Variants in HMGN5 observed in about 807,000 individuals in gnomAD.
HMGN5 encodes the protein high mobility group nucleosome binding domain 5, also known as high mobility group nucleosome-binding domain-containing protein 5.
HMGN5 carries 4 observed loss-of-function variants against 9.5 expected under a neutral mutation model. That is an observed-to-expected ratio of 0.42 (90% CI 0.21 to 0.96). HMGN5 has a LOEUF of 0.96. Among genes scored for constraint, HMGN5 ranks in the 40% least tolerant of loss-of-function variants. The pLI is 0.30. For synonymous variants in HMGN5, 55 were observed against 57.1 expected (o/e 0.96, Z 0.16); for missense variants, 192 against 187.5 (o/e 1.02, Z -0.14).
chrX:81,184,218 T>C (rs2075470879), intron 1 of HMGN5, among the ~76,000 whole-genome samples: 1 of 111,852 alleles, frequency 8.9e-6, no homozygotes, highest in Admixed American at 9.5e-5. Flanking sequence ...CCATCCCTCC[T>C]GGAGCTGTCA....
chrX:81,184,122 T>G (rs1263461197), intron 1 of HMGN5, among the ~76,000 whole-genome samples: 1 of 111,403 alleles, frequency 9.0e-6, no homozygotes, highest in Non-Finnish European at 1.9e-5. Flanking sequence ...CACCCAAGTT[T>G]CATATTCAAT....
At chrX:81,115,681 A>G (rs2075251312) in intron 6 of HMGN5, among the ~76,000 whole-genome samples, 1 of 112,344 alleles carries the variant, frequency 8.9e-6, no homozygotes, top group African/African-American at 3.2e-5. Flanking sequence ...ACCAGATATT[A>G]TAAGATAACT....
chrX:81,161,262 A>C (rs1490646161), intron 1 of HMGN5, among the ~76,000 whole-genome samples: 1 of 111,125 alleles, frequency 9.0e-6, no homozygotes, highest in Non-Finnish European at 1.9e-5. Flanking sequence ...GTCTTCAATC[A>C]GTGATATGGA....
At chrX:81,149,143 A>G in intron 1 of HMGN5, among the ~76,000 whole-genome samples, 1 of 111,776 alleles carries the variant, frequency 8.9e-6, no homozygotes, top group South Asian at 3.8e-4. Context: ...TACCCAAAGG[A>G]TTATAAATCA....
intron 1 of HMGN5, among the ~76,000 whole-genome samples, chrX:81,163,425 A>G (rs1468307883): frequency 8.9e-6 from 1 of 112,123 alleles, no homozygotes; most frequent in Non-Finnish European, 1.9e-5. Flanking sequence ...CTGGAACAAT[A>G]CCTGATAGCC....
intron 1 of HMGN5, among the ~76,000 whole-genome samples, chrX:81,190,427 G>A (rs2070164270): frequency 9.1e-6 from 1 of 110,314 alleles, no homozygotes; most frequent in Admixed American, 9.7e-5. Flanking sequence ...ACATTCTCAC[G>A]ACCCCATAAA....
chrX:81,196,139 A>G (rs1227781336), intron 1 of HMGN5, among the ~76,000 whole-genome samples: 1 of 111,444 alleles, frequency 9.0e-6, no homozygotes, highest in South Asian at 3.8e-4. Flanking sequence ...GAACAACAGT[A>G]TATCCTCCAA....
chrX:81,157,752 TA>T (rs2075386938), intron 1 of HMGN5, among the ~76,000 whole-genome samples: 1 of 111,381 alleles, frequency 9.0e-6, no homozygotes, highest in South Asian at 3.8e-4. Context: ...TGGAGTTATA[TA>T]AAAAATTTTA....
chrX:81,186,195 C>G (rs2075476969), intron 1 of HMGN5, among the ~76,000 whole-genome samples: 1 of 111,450 alleles, frequency 9.0e-6, no homozygotes, highest in Admixed American at 9.5e-5. Context: ...GGTATTAATT[C>G]TTCTTTATAT....
intron 1 of HMGN5, among the ~76,000 whole-genome samples, chrX:81,189,737 G>GAAAC (rs971917643): frequency 7.1e-5 from 8 of 112,036 alleles, no homozygotes; most frequent in African/African-American, 1.9e-4. Flanking sequence ...CTCCTTTGGA[G>GAAAC]AAACACCAAG....
At chrX:81,147,660 G>T (rs745910595) in intron 1 of HMGN5, among the ~76,000 whole-genome samples, 3 of 111,470 alleles carry the variant, frequency 2.7e-5, no homozygotes, top group South Asian at 7.5e-4. Flanking sequence ...AGAAATAAAA[G>T]ATATTCAATT....
chrX:81,188,501 A>T (rs1399460183), intron 1 of HMGN5, among the ~76,000 whole-genome samples: 2 of 108,987 alleles, frequency 1.8e-5, no homozygotes, highest in Admixed American at 2.0e-4. Flanking sequence ...ATATACTTTA[A>T]GTTTTAGGGT....
At chrX:81,200,024 T>G (rs773055309) in intron 1 of HMGN5, among the ~76,000 whole-genome samples, 1 of 111,670 alleles carries the variant, frequency 9.0e-6, no homozygotes, top group East Asian at 2.8e-4. Context: ...CTTAAACAAA[T>G]TTACAAGAAA....
Position 81,116,273 on chromosome X carries a change from G to A in HMGN5, c.198C>T (p.Thr66=). The part of the protein sequence containing the change: ...IDTSAQAVAE[T]KQEAVVEEDY... ...CTTCTTCAACAACTGCTTCTTGCTT[G>A]GTTTCAGCAACTGCTTGGGCACTTG... Residue 66 remains threonine, a synonymous_variant, in exon 6 of 7, where the codon ACC becomes ACT. Coordinates refer to ENST00000358130, the MANE Select transcript of HMGN5 (RefSeq NM_030763.3). 3.4e-6 allele frequency: 4 copies of A among 1,191,504 alleles called. No individual in the cohort carries two copies. The highest frequency in any genetic ancestry group is 4.6e-6 in the Non-Finnish European group (4 of 878,405).
chrX:81,117,213 A>G (rs1317270650), intron 5 of HMGN5, among the ~76,000 whole-genome samples: 1 of 105,849 alleles, frequency 9.4e-6, no homozygotes, highest in Non-Finnish European at 1.9e-5. Flanking sequence ...GTTATATAGT[A>G]TATGTTTTAG....
intron 1 of HMGN5, among the ~76,000 whole-genome samples, chrX:81,159,240 G>C (rs922396590): frequency 1.4e-4 from 15 of 110,617 alleles, no homozygotes; most frequent in African/African-American, 4.9e-4. Context: ...TTGGGGGATA[G>C]AGTGTGGGGA....
chrX:81,125,492 C>T (rs1431854829), intron 1 of HMGN5, among the ~76,000 whole-genome samples: 2 of 111,228 alleles, frequency 1.8e-5, no homozygotes, highest in East Asian at 5.6e-4. Context: ...TCTGGAAAAA[C>T]TGTAATTCTG....
chrX:81,189,606 C>T (rs1165624634), intron 1 of HMGN5, among the ~76,000 whole-genome samples: 1 of 112,134 alleles, frequency 8.9e-6, no homozygotes, highest in Non-Finnish European at 1.9e-5. Context: ...TTTGGATGTA[C>T]CACAGTTAAT....
chrX:81,137,360 T>C (rs2075314189), intron 1 of HMGN5, among the ~76,000 whole-genome samples: 1 of 111,714 alleles, frequency 9.0e-6, no homozygotes, highest in African/African-American at 3.2e-5. Context: ...TATAAAATAA[T>C]TGAAATGATA....
Sources: allele counts gnomAD v4.1 joint callset (sites outside exome capture counted in the v4.1 genomes callset), GRCh38; gene constraint gnomAD v4.1.1; transcripts MANE v1.5; gene names NCBI Gene and HGNC (gene_info 2026-07-23, HGNC 2026-07-21).